The following PHIP variants were observed in gnomAD, a reference collection of about 807,000 sequenced individuals.
PHIP encodes PH-interacting protein.
In PHIP, 54 loss-of-function variants were observed where a neutral mutation model predicts 236.8. That is an observed-to-expected ratio of 0.23 (90% CI 0.18 to 0.29). PHIP has a LOEUF of 0.29. PHIP is among the 10% of genes least tolerant of loss of function. The probability of loss-of-function intolerance (pLI) is 1.00; values close to 1 mark genes in which losing one functional copy is unlikely to be tolerated. For synonymous variants in PHIP, 756 were observed against 718.9 expected (o/e 1.05, Z -0.83); for missense variants, 1,370 against 2,190.8 (o/e 0.63, Z 7.48).
intron 24 of PHIP, among the ~76,000 whole-genome samples, chr6:78,973,955 T>C (rs1305115350): frequency 6.6e-6 from 1 of 151,918 alleles, no homozygotes; most frequent in East Asian, 1.9e-4. Flanking sequence ...CTGTCAACAT[T>C]AGACAGATCA....
chr6:79,000,258 C>T (rs1769899718), intron 17 of PHIP, among the ~76,000 whole-genome samples: 1 of 151,970 alleles, frequency 6.6e-6, no homozygotes, highest in East Asian at 1.9e-4. Context: ...TTTTGGGACT[C>T]ATTACAAAGC....
intron 7 of PHIP, among the ~76,000 whole-genome samples, chr6:79,031,323 T>C (rs1399834360): frequency 6.6e-6 from 1 of 152,218 alleles, no homozygotes; most frequent in Non-Finnish European, 1.5e-5. Context: ...ATATCAAACT[T>C]AGCATAAGCT....
intron 20 of PHIP, among the ~76,000 whole-genome samples, chr6:78,989,663 A>C (rs943631333): frequency 6.6e-6 from 1 of 152,206 alleles, no homozygotes; most frequent in African/African-American, 2.4e-5. Context: ...ATACATATAC[A>C]TATCATTCCT....
intron 28 of PHIP, 66 bp from the exon 29 acceptor site, chr6:78,965,830 AATT>A: frequency 8.5e-7 from 1 of 1,175,162 alleles, no homozygotes; most frequent in East Asian, 2.4e-5. Flanking sequence ...TAATAAAATC[AATT>A]ATCAAAATAA....
In PHIP at chr6:78,982,912, T is replaced by C. The variant is rs376142375; in HGVS notation, c.2743A>G (p.Lys915Glu). The change falls in exon 23 of 40, where the codon AAG becomes GAG. Residue 915 changes from lysine (K) to glutamate (E), a missense_variant. Lys to Glu is a moderately conservative substitution (Grantham distance 56). Coordinates refer to ENST00000275034, the MANE Select transcript of PHIP (RefSeq NM_017934.7). ...TTTTGTTTTCTTTCTTTGGGCTTCT[T>C]TTTCTTTGGTGATATTGGTCCATCT... ...EKDGPISPKK[K>E]KPKERKQKRL... 1 of 1,569,336 alleles carries C rather than the reference T, an allele frequency of 6.4e-7. No individual in the cohort carries two copies. Among genetic ancestry groups the C allele is most frequent in the Admixed American group, 2.0e-5 (1 of 48,956 alleles).
At chr6:78,946,304 T>C in intron 37 of PHIP, 44 bp from the exon 38 acceptor site, 1 of 1,545,754 alleles carries the variant, frequency 6.5e-7, no homozygotes, top group Non-Finnish European at 8.8e-7. Context: ...TAGCTCTATG[T>C]GAACGAATAA....
intron 39 of PHIP, among the ~76,000 whole-genome samples, chr6:78,942,507 A>C (rs1280503909): frequency 6.6e-6 from 1 of 151,998 alleles, no homozygotes; most frequent in African/African-American, 2.4e-5. Context: ...AACAAAACAA[A>C]ACAACATGGT....
At chr6:79,076,709 C>T (rs981355124) in intron 4 of PHIP, among the ~76,000 whole-genome samples, 1 of 151,980 alleles carries the variant, frequency 6.6e-6, no homozygotes, top group African/African-American at 2.4e-5. Flanking sequence ...TCAGTGTACT[C>T]CAATAATAAT....
At chr6:79,008,968 G>T (rs982238249) in intron 15 of PHIP, among the ~76,000 whole-genome samples, 1 of 151,938 alleles carries the variant, frequency 6.6e-6, no homozygotes, top group Non-Finnish European at 1.5e-5. Flanking sequence ...TCCTAATATA[G>T]TCACAAAACA....
intron 6 of PHIP, among the ~76,000 whole-genome samples, chr6:79,058,755 TA>T (rs1428753613): frequency 6.6e-6 from 1 of 152,126 alleles, no homozygotes; most frequent in Non-Finnish European, 1.5e-5. Context: ...AAATGTTATT[TA>T]CCATCAATCA....
At position 78,954,426 on chromosome 6, in the gene PHIP, T is replaced by C. The variant is rs545392832; in HGVS notation, c.4053+388A>G. Among the ~76,000 whole-genome samples, 35 of 152,176 alleles carry C rather than the reference T, an allele frequency of 2.3e-4. No homozygotes were observed. The Middle Eastern group carries it at 0.01, about 44-fold the overall frequency. On this transcript the variant is annotated intron_variant, in intron 35 of 39. Coordinates refer to ENST00000275034, the MANE Select transcript of PHIP (RefSeq NM_017934.7). ...CAGCCTAAAAACTATTTTTATATAT[T>C]CTCTTTACATCTCCATAATCCTGTA...
At chr6:79,025,447 C>A in intron 9 of PHIP, 72 bp downstream of exon 9, 1 of 827,786 alleles carries the variant, frequency 1.2e-6, no homozygotes, top group Admixed American at 2.1e-5. Context: ...CTATTGTCGA[C>A]TACTTTATAC....
chr6:79,061,990 T>G (rs1773404061), intron 4 of PHIP, among the ~76,000 whole-genome samples: 1 of 152,164 alleles, frequency 6.6e-6, no homozygotes, highest in Non-Finnish European at 1.5e-5. Context: ...TTACTCTTTA[T>G]CAAAATACAC....
Position 79,059,884 on chromosome 6 carries a change from G to A in PHIP, c.439+594C>T, listed in dbSNP as rs111986890. ...TCAGCAGAAGAGTGACACAACAAAGGTAGAACTGAATAAGGTTACTATTAC... is the reference window on the plus strand; with the variant it reads ...TCAGCAGAAGAGTGACACAACAAAGATAGAACTGAATAAGGTTACTATTAC... On this transcript the variant is annotated intron_variant, in intron 6 of 39. Coordinates refer to ENST00000275034, the MANE Select transcript of PHIP (RefSeq NM_017934.7). Among the ~76,000 whole-genome samples, 796 of 151,750 alleles carry A rather than the reference G, an allele frequency of 5.2e-3. 11 individuals are homozygous for A. Among genetic ancestry groups the A allele is most frequent in the African/African-American group, 0.018 (750 of 41,424 alleles).
chr6:79,026,410 T>G (rs998715279), intron 7 of PHIP, among the ~76,000 whole-genome samples: 5 of 151,886 alleles, frequency 3.3e-5, no homozygotes, highest in African/African-American at 1.2e-4. Flanking sequence ...TGGTTCCCTA[T>G]CTACTATCAA....
intron 19 of PHIP, among the ~76,000 whole-genome samples, chr6:78,993,504 G>C (rs999694400): frequency 6.6e-6 from 1 of 152,192 alleles, no homozygotes; most frequent in African/African-American, 2.4e-5. Flanking sequence ...TACAGCTAGT[G>C]ACTTCAAGTT....
At position 79,015,655 on chromosome 6, in the gene PHIP, G is replaced by A; in HGVS notation, c.1364C>T (p.Thr455Ile). 6.2e-7 allele frequency: 1 copy of A among 1,607,054 alleles called. No individual in the cohort carries two copies. Among genetic ancestry groups the A allele is most frequent in the Non-Finnish European group, 8.5e-7 (1 of 1,175,332 alleles). ...CATCAGGACATGAATTAGTTGACCA[G>A]TGTAAGAATTCCAAACTTTCAGAGT... ...NMTLKVWNSY[T>I]GQLIHVLMGH... The change falls in exon 14 of 40, where the codon ACT (threonine) becomes ATT (isoleucine). Residue 455 changes from threonine (T) to isoleucine (I), a missense_variant. Coordinates refer to ENST00000275034, the MANE Select transcript of PHIP (RefSeq NM_017934.7).
Position 78,941,036 on chromosome 6 carries a change from T to C in PHIP, c.5123A>G (p.Lys1708Arg), listed in dbSNP as rs1404066009. 1 of 1,613,980 alleles carries C rather than the reference T, an allele frequency of 6.2e-7. No homozygotes were observed. The highest frequency in any genetic ancestry group is 8.5e-7 in the Non-Finnish European group (1 of 1,179,950). The change falls in exon 40 of 40, where the codon AAA (lysine) becomes AGA (arginine). Residue 1708 changes from lysine (K) to arginine (R), a missense_variant. Lys to Arg is a conservative substitution (Grantham distance 26). Around this residue, in one of 14 missense-constraint regions of PHIP, gnomAD observed 309 missense variants for 328.3 expected, o/e 0.94. Coordinates refer to ENST00000275034, the MANE Select transcript of PHIP (RefSeq NM_017934.7). ...TNNVKEDLLQ[K>R]KNRGGRKPKR... ...GGGCTTCCTACCTCCACGATTCTTT[T>C]TCTGTAACAAATCTTCCTTTACATT... is the stretch of plus-strand genomic sequence containing the variant.
Position 78,969,848 on chromosome 6 carries a change from C to A in PHIP, c.3192G>T (p.Arg1064Ser). Reference sequence around the variant, plus strand: ...TAAATTACCCACCTATATTCCATCGCCTGTATTTTGCATCATCAAATTGTT... The same window carrying A: ...TAAATTACCCACCTATATTCCATCGACTGTATTTTGCATCATCAAATTGTT... ...LRQQFDDAKY[R>S]RWNIGDRFRS... is the part of the protein sequence containing the mutation. Residue 1064 changes from arginine to serine, a missense_variant, in exon 27 of 40, where the codon AGG becomes AGT. Arg to Ser is a moderately radical substitution (Grantham distance 110). This residue lies in a region of PHIP where 238 missense variants were observed against 398.5 expected (regional missense o/e 0.60). Transcript: ENST00000275034. 6.4e-7 allele frequency: 1 copy of A among 1,560,822 alleles called. No homozygotes were observed. Among genetic ancestry groups the A allele is most frequent in the South Asian group, 1.1e-5 (1 of 87,758 alleles).
Sources: gnomAD v4.1 joint callset for allele counts (sites outside exome capture counted in the v4.1 genomes callset) on GRCh38, gnomAD v4.1.1 for gene constraint, gnomAD v4.1.1 regional missense constraint, MANE v1.5 for transcripts, NCBI Gene and HGNC (gene_info 2026-07-23, HGNC 2026-07-21) for gene names.